AKAP9: variants seen among roughly 807,000 people sequenced by gnomAD.
AKAP9 encodes A-kinase anchoring protein 9.
In AKAP9, 311 loss-of-function variants were observed where a neutral mutation model predicts 488.5. The observed-to-expected ratio is 0.64, with a 90% CI of 0.58 to 0.70. The LOEUF (loss-of-function observed/expected upper bound fraction) is 0.70. AKAP9 is among the 30% of genes least tolerant of loss of function. The probability of loss-of-function intolerance (pLI) is 0.00; values close to 1 mark genes in which losing one functional copy is unlikely to be tolerated. For synonymous variants in AKAP9, 1,462 were observed against 1,483.5 expected, an observed-to-expected ratio of 0.99 and a Z score of 0.33; for missense variants, 4,215 against 4,374.5, an observed-to-expected ratio of 0.96 and a Z score of 1.03.
chr7:92,080,190 C>A, intron 31 of AKAP9, 38 bp downstream of exon 31: 1 of 1,433,780 alleles, frequency 7.0e-7, no homozygotes. Context: ...TTAAATACCC[C>A]AAGAAACTAA....
chr7:91,946,791 A>G (rs1791508461), intron 1 of AKAP9, among the ~76,000 whole-genome samples: 1 of 152,216 alleles, frequency 6.6e-6, no homozygotes, highest in African/African-American at 2.4e-5. Flanking sequence ...AGAGGAAGTG[A>G]AAAAGGTAGG....
In AKAP9 at chr7:92,097,227, GACA is replaced by G. The variant is rs765469584; in HGVS notation, c.10273_10275del (p.Gln3425del). 10 of 1,612,548 alleles carry G rather than the reference GACA, an allele frequency of 6.2e-6. 1 individual carries two copies. Among genetic ancestry groups the G allele is most frequent in the African/African-American group, 1.3e-5 (1 of 74,714 alleles). On this transcript the variant is annotated inframe_deletion, in exon 41 of 50. Coordinates refer to ENST00000356239, the MANE Select transcript of AKAP9 (RefSeq NM_005751.5). Reference sequence around the variant, plus strand: ...CTTCAGCGCCAGCTGGAAGAGAAAAGACAACAAGTTTATAAGTTAGACCTTGAA... The same window carrying G: ...CTTCAGCGCCAGCTGGAAGAGAAAAGACAAGTTTATAAGTTAGACCTTGAA...
intron 25 of AKAP9, 137 bp downstream of exon 25, chr7:92,065,600 C>T (rs1455053858): frequency 9.6e-6 from 6 of 626,872 alleles, no homozygotes; most frequent in South Asian, 2.1e-5. Flanking sequence ...ATCTACTAAT[C>T]GATCAAAAAG....
chr7:91,963,486 A>T (rs747924738), intron 1 of AKAP9, among the ~76,000 whole-genome samples: 1,014 of 97,488 alleles, frequency 0.01, 3 homozygotes, highest in African/African-American at 0.026. Context: ...TATTTGTCAC[A>T]CACACACACA....
At chr7:92,090,779 T>G (rs1563127296) in intron 38 of AKAP9, 1 of 152,236 alleles carries the variant, frequency 6.6e-6, no homozygotes, top group East Asian at 1.9e-4. Flanking sequence ...CTGCTACATA[T>G]GTGCATGCAT....
At chr7:92,071,855 G>A (rs569137389) in intron 28 of AKAP9, among the ~76,000 whole-genome samples, 1 of 152,204 alleles carries the variant, frequency 6.6e-6, no homozygotes, top group East Asian at 1.9e-4. Context: ...GGAGAAAAAA[G>A]GCATCTATGT....
rs1814251685 is a variant in AKAP9, at chr7:92,084,908, A to G, written c.8800A>G (p.Ser2934Gly). Residue 2934 changes from serine to glycine, a missense_variant, in exon 35 of 50, where the codon AGT becomes GGT. By Grantham distance (56) the Ser-to-Gly change is moderately conservative (BLOSUM62 0). Transcript: ENST00000356239. ...AGAAGGCCGAGGAGAAGAAAGTGAA[A>G]GTGCAACAGATTCCTTTCCAAAGAA... is the stretch of plus-strand genomic sequence containing the variant. ...ASEGRGEESE[S>G]ATDSFPKKIK... The G allele has an allele frequency of 6.2e-7, 1 of 1,613,528 alleles. No homozygotes were observed. The highest frequency in any genetic ancestry group is 1.1e-5 in the South Asian group (1 of 91,026).
At chr7:91,941,293 C>T in intron 1 of AKAP9, 146 bp downstream of exon 1, 1 of 675,312 alleles carries the variant, frequency 1.5e-6, no homozygotes, top group Non-Finnish European at 2.5e-6. Context: ...TGCATCTCTC[C>T]TCGCCCTCCT....
chr7:92,058,064 C>T, intron 22 of AKAP9: 1 of 421,962 alleles, frequency 2.4e-6, no homozygotes, highest in Non-Finnish European at 4.6e-6. Flanking sequence ...AAAAAAGAAA[C>T]TTTTTATACT....
At chr7:92,032,635 G>A (rs993080460) in intron 16 of AKAP9, among the ~76,000 whole-genome samples, 1 of 152,034 alleles carries the variant, frequency 6.6e-6, no homozygotes, top group African/African-American at 2.4e-5. Context: ...TTGATTGGTA[G>A]GATATAAAGG....
intron 1 of AKAP9, among the ~76,000 whole-genome samples, chr7:91,950,316 G>C (rs1400241183): frequency 6.8e-6 from 1 of 147,096 alleles, no homozygotes; most frequent in African/African-American, 2.5e-5. Flanking sequence ...TGCAAGCTCT[G>C]CCTCCCGGGT....
intron 1 of AKAP9, among the ~76,000 whole-genome samples, chr7:91,947,756 T>C (rs1791651247): frequency 6.6e-6 from 1 of 152,250 alleles, no homozygotes; most frequent in Non-Finnish European, 1.5e-5. Flanking sequence ...TTGGGAGCTT[T>C]TTGAGTTCTC....
At chr7:91,954,772 C>G (rs1792734696) in intron 1 of AKAP9, among the ~76,000 whole-genome samples, 6 of 152,116 alleles carry the variant, frequency 3.9e-5, no homozygotes. Context: ...TCAGGCCTCA[C>G]TATTTTTTGT....
In AKAP9 at chr7:92,016,225, A is replaced by G. The variant is rs1177942191; in HGVS notation, c.3709A>G (p.Asn1237Asp). Reference protein sequence around the residue: ...KENSGDYISENEDPELQDYRY... With the variant: ...KENSGDYISEDEDPELQDYRY... The stretch of plus-strand genomic sequence containing the variant: ...GAATTCTGGTGATTACATTTCTGAA[A>G]ATGAAGATCCAGAATTACAAGATTA... The change falls in exon 11 of 50, where the codon AAT becomes GAT. Residue 1237 changes from asparagine to aspartate, a missense_variant. Physicochemically the swap from Asn to Asp is conservative, Grantham distance 23. Transcript: ENST00000356239. The G allele has an allele frequency of 1.3e-6, 2 of 1,574,508 alleles. No homozygotes were observed. Among genetic ancestry groups the G allele is most frequent in the Admixed American group, 3.4e-5 (2 of 59,680 alleles).
rs552894542 is a variant in AKAP9 at position 92,019,948 on chromosome 7, A to T, written c.3838-2290A>T. On this transcript the variant is annotated intron_variant, in intron 12 of 49. Coordinates refer to ENST00000356239, the MANE Select transcript of AKAP9 (RefSeq NM_005751.5). ...AGAATTGCTTGAACCCAGAAGGTGGAGGTTGCAGTGAGCCAAGATTGCACC... is the reference window on the plus strand; with the variant it reads ...AGAATTGCTTGAACCCAGAAGGTGGTGGTTGCAGTGAGCCAAGATTGCACC... 2.4e-3 allele frequency among the ~76,000 whole-genome samples: 364 copies of T among 152,106 alleles called. 2 individuals carry two copies. The highest frequency in any genetic ancestry group is 8.2e-3 in the African/African-American group (341 of 41,496).
intron 49 of AKAP9, 120 bp from the exon 50 acceptor site, chr7:92,110,002 A>G (rs1210632618): frequency 3.8e-6 from 3 of 790,858 alleles, no homozygotes; most frequent in Non-Finnish European, 4.3e-6. Flanking sequence ...ATTTTAAGGA[A>G]AAAAAGGGCT....
At chr7:92,042,319 AG>A (rs1471733323) in intron 19 of AKAP9, 133 bp downstream of exon 19, 2 of 1,172,820 alleles carry the variant, frequency 1.7e-6, no homozygotes, top group Non-Finnish European at 2.5e-6. Context: ...CATGTGTGTA[AG>A]GTAGGTGGAG....
rs199620811 is a variant in AKAP9, at chr7:92,005,746, A to G, written c.3318+2511A>G. Among the ~76,000 whole-genome samples the G allele has an allele frequency of 3.3e-5, 5 of 151,458 alleles. No homozygotes were observed. In the East Asian group the frequency reaches 9.7e-4, roughly 29 times the overall value. On this transcript the variant is annotated intron_variant, in intron 8 of 49. Coordinates refer to ENST00000356239, the MANE Select transcript of AKAP9 (RefSeq NM_005751.5). ...AGTGGCGTGATCTCAGCTCACTACAACCTCCGCCTCCCGGGTTCAATCAAT... is the reference window on the plus strand; with the variant it reads ...AGTGGCGTGATCTCAGCTCACTACAGCCTCCGCCTCCCGGGTTCAATCAAT...
chr7:92,011,391 G>A (rs1408075371), intron 8 of AKAP9, among the ~76,000 whole-genome samples: 3 of 152,146 alleles, frequency 2.0e-5, no homozygotes, highest in African/African-American at 7.2e-5. Context: ...CTCACTATAT[G>A]CCAATATGTA....
Sources: gnomAD v4.1 joint callset for allele counts (sites outside exome capture counted in the v4.1 genomes callset) on GRCh38, gnomAD v4.1.1 for gene constraint, MANE v1.5 for transcripts, NCBI Gene and HGNC (gene_info 2026-07-23, HGNC 2026-07-21) for gene names.